Variants in INSRR observed in about 807,000 individuals in gnomAD.
The protein encoded by INSRR is insulin receptor related receptor, also known as insulin receptor-related protein.
Under a neutral mutation model 130.0 loss-of-function variants are expected in INSRR, and 114 were observed. That is an observed-to-expected ratio of 0.88 (90% CI 0.75 to 1.02). The LOEUF is 1.02. Among genes scored for constraint, INSRR ranks in the 50% least tolerant of loss-of-function variants. The pLI is 0.00. For missense variants in INSRR, 1,657 were observed against 1,735.2 expected (o/e 0.95, Z 0.80); for synonymous variants, 674 against 705.2 (o/e 0.96, Z 0.70).
rs547897400 is a variant in INSRR at position 156,841,948 on chromosome 1, C to T, written c.3398-154G>A. On this transcript the variant is annotated intron_variant, in intron 19 of 21. Transcript: ENST00000368195. ...CAATGGACCTCAGAACTCATCCCAT[C>T]CAAACCCCTCTGCCCTTGGACAAGA... 1,877 of 1,548,932 alleles carry T rather than the reference C, an allele frequency of 1.2e-3. 3 individuals carry two copies. The highest frequency in any genetic ancestry group is 1.6e-3 in the Non-Finnish European group (1,744 of 1,124,352).
chr1:156,844,718 G>A lies in INSRR; in HGVS notation c.2563C>T (p.Arg855Cys), dbSNP rs1654927113. 1 of 1,614,132 alleles carries A rather than the reference G, an allele frequency of 6.2e-7. No individual in the cohort carries two copies. Residue 855 changes from arginine (R) to cysteine (C), a missense_variant, in exon 13 of 22, where the codon CGC (arginine) becomes TGC (cysteine). By Grantham distance (180) the Arg-to-Cys change is radical. Coordinates refer to ENST00000368195, the MANE Select transcript of INSRR (RefSeq NM_014215.3). ...CCACGGGCACCTACCTCTCCCAAGC[G>A]GCGGTACTTGATTTCGTACTTGAGG... Reference protein sequence around the residue: ...LILKYEIKYRRLGEEATVLCV... With the variant: ...LILKYEIKYRCLGEEATVLCV...
chr1:156,855,698 A>G (rs1571675302), intron 1 of INSRR, among the ~76,000 whole-genome samples: 1 of 151,982 alleles, frequency 6.6e-6, no homozygotes, highest in East Asian at 1.9e-4. Flanking sequence ...GGTGGTGCAC[A>G]CCTATAGTCT....
chr1:156,842,993 C>T lies in INSRR; in HGVS notation c.3126+11G>A, dbSNP rs1027636709. ...ATTATGACCCTGACAATGCCCTTGG[C>T]TCTCCCTTACCACATGGTGACACTT... On this transcript the variant is annotated intron_variant, in intron 17 of 21. Transcript: ENST00000368195. The T allele has an allele frequency of 7.5e-6, 12 of 1,601,298 alleles. No individual in the cohort carries two copies. Among genetic ancestry groups the T allele is most frequent in the Non-Finnish European group, 8.6e-6 (10 of 1,168,972 alleles).
At chr1:156,847,433 T>C (rs1002056072) in intron 7 of INSRR, among the ~76,000 whole-genome samples, 1 of 152,140 alleles carries the variant, frequency 6.6e-6, no homozygotes, top group African/African-American at 2.4e-5. Context: ...CTGGGGGAGA[T>C]GACAGTGGGC....
intron 1 of INSRR, among the ~76,000 whole-genome samples, chr1:156,857,672 C>G (rs1023213967): frequency 2.6e-5 from 4 of 152,180 alleles, no homozygotes; most frequent in African/African-American, 4.8e-5. Context: ...CATCACTCTC[C>G]CATCTCCATG....
At chr1:156,852,868 G>A (rs1450368272) in intron 2 of INSRR, among the ~76,000 whole-genome samples, 1 of 152,172 alleles carries the variant, frequency 6.6e-6, no homozygotes, top group Non-Finnish European at 1.5e-5. Context: ...GGGTGCAGCC[G>A]ATACAGCAGG....
In INSRR at chr1:156,843,065, C is replaced by G. The variant is rs771531496; in HGVS notation, c.3065G>C (p.Arg1022Pro). The change falls in exon 17 of 22, where the codon CGG becomes CCG. Residue 1022 changes from arginine to proline, a missense_variant. Transcript: ENST00000368195. Reference protein sequence around the residue: ...LKTVNELASPRECIEFLKEAS... With the variant: ...LKTVNELASPPECIEFLKEAS... ...TTCCTTGAGGAACTCAATGCATTCC[C>G]GTGGGCTGGCCAGCTCATTCACCGT... 1 of 1,614,160 alleles carries G rather than the reference C, an allele frequency of 6.2e-7. No homozygotes were observed. The highest frequency in any genetic ancestry group is 1.7e-5 in the Admixed American group (1 of 60,024).
At chr1:156,856,489 A>T (rs1203033828) in intron 1 of INSRR, among the ~76,000 whole-genome samples, 1 of 151,796 alleles carries the variant, frequency 6.6e-6, no homozygotes, top group African/African-American at 2.4e-5. Context: ...TAGATAAACC[A>T]TTCCTTACTA....
Position 156,858,557 on chromosome 1 carries a change from A to T in INSRR, c.65T>A (p.Phe22Tyr). ...CTCACCCTCTACTGTATCCAGGCCA[A>T]ATCCCAAGGAGAGGAAGATCACAGG... ...CLPVIFLSLG[F>Y]GLDTVEVCPS... is the part of the protein sequence containing the mutation. The change falls in exon 1 of 22, where the codon TTT becomes TAT. Residue 22 changes from phenylalanine to tyrosine, a missense_variant. Coordinates refer to ENST00000368195, the MANE Select transcript of INSRR (RefSeq NM_014215.3). The T allele has an allele frequency of 6.2e-7, 1 of 1,613,982 alleles. No homozygotes were observed. The highest frequency in any genetic ancestry group is 8.5e-7 in the Non-Finnish European group (1 of 1,179,962).
intron 8 of INSRR, 114 bp downstream of exon 8, chr1:156,846,405 A>G (rs1655009181): frequency 3.4e-6 from 3 of 891,322 alleles, no homozygotes; most frequent in African/African-American, 3.4e-5. Context: ...CTGGCCTTCC[A>G]GCCTCTGTGG....
rs774718865 is a variant in INSRR, at chr1:156,845,254, C to A, written c.2259G>T (p.Leu753=). Residue 753 remains leucine (L), a synonymous_variant, in exon 12 of 22, where the codon CTG becomes CTT. Transcript: ENST00000368195. ...RHRRAAGPLR[L]GGNSSDFEIQ... ...TCTCGAAATCCGAGCTGTTGCCCCC[C>A]AGCCGGAGGGGCCCAGCTGCCCGGC... is the stretch of plus-strand genomic sequence containing the variant. 8.1e-6 allele frequency: 13 copies of A among 1,611,480 alleles called. No individual in the cohort carries two copies. The highest frequency in any genetic ancestry group is 5.3e-5 in the African/African-American group (4 of 74,914).
At chr1:156,841,338 T>C in intron 21 of INSRR, 56 bp downstream of exon 21, 1 of 1,031,794 alleles carries the variant, frequency 9.7e-7, no homozygotes, top group Non-Finnish European at 1.3e-6. Flanking sequence ...TGGGGCCGGG[T>C]GGGGGAGGGT....
In INSRR at chr1:156,853,808, G is replaced by A; in HGVS notation, c.581C>T (p.Thr194Ile). Residue 194 changes from threonine (T) to isoleucine (I), a missense_variant, in exon 2 of 22, where the codon ACC becomes ATC. Physicochemically the swap from Thr to Ile is moderately conservative, Grantham distance 89 (BLOSUM62 -1). Coordinates refer to ENST00000368195, the MANE Select transcript of INSRR (RefSeq NM_014215.3). Reference protein sequence around the residue: ...LGAAGEPCAKTTFSGHTDYRC... With the variant: ...LGAAGEPCAKITFSGHTDYRC... The stretch of plus-strand genomic sequence containing the variant: ...GTAGTCAGTGTGCCCGCTGAAGGTG[G>A]TCTTGGCACAGGGCTCACCAGCAGC... The A allele has an allele frequency of 1.2e-6, 2 of 1,612,746 alleles. No individual in the cohort carries two copies. Among genetic ancestry groups the A allele is most frequent in the East Asian group, 2.2e-5 (1 of 44,834 alleles).
rs147703846 is a variant in INSRR at position 156,842,117 on chromosome 1, A to T, written c.3392T>A (p.Ile1131Asn). The T allele has an allele frequency of 1.6e-4, 261 of 1,613,420 alleles. No individual in the cohort carries two copies. Among genetic ancestry groups the T allele is most frequent in the Non-Finnish European group, 1.8e-4 (208 of 1,179,916 alleles). ...CMVSQDFTVK[I>N]GDFGMTRDVY... is the part of the protein sequence containing the mutation. ...CTGCCTGGCACCCTCTGTACCCCCG[A>T]TCTTGACGGTGAAGTCCTGGGACAC... Residue 1131 changes from isoleucine (I) to asparagine (N), a missense_variant, in exon 19 of 22, where the codon ATC becomes AAC. By Grantham distance (149) the Ile-to-Asn change is moderately radical. Coordinates refer to ENST00000368195, the MANE Select transcript of INSRR (RefSeq NM_014215.3).
In INSRR at chr1:156,840,966, C is replaced by A. The variant is rs1367571667; in HGVS notation, c.3801G>T (p.Gly1267=). The change falls in exon 22 of 22, where the codon GGG becomes GGT. Residue 1267 remains glycine, a synonymous_variant. Coordinates refer to ENST00000368195, the MANE Select transcript of INSRR (RefSeq NM_014215.3). ...LSFYYSPECR[G]ARGSLPTTDA... ...CGGTGGTAGGCAGGGAGCCCCGGGCCCCCCGGCATTCCGGGCTGTAGTAGA... is the reference window on the plus strand; with the variant it reads ...CGGTGGTAGGCAGGGAGCCCCGGGCACCCCGGCATTCCGGGCTGTAGTAGA... The A allele has an allele frequency of 1.2e-6, 2 of 1,613,684 alleles. No homozygotes were observed. The highest frequency in any genetic ancestry group is 2.7e-5 in the African/African-American group (2 of 74,906).
chr1:156,851,987 GCACAGCGCTCAGCTGTGA>G lies in INSRR; in HGVS notation c.824_841del (p.Val275_Cys280del), dbSNP rs1655230420. 6.2e-7 allele frequency: 1 copy of G among 1,611,054 alleles called. No individual in the cohort carries two copies. The highest frequency in any genetic ancestry group is 8.5e-7 in the Non-Finnish European group (1 of 1,177,942). On this transcript the variant is annotated inframe_deletion, in exon 3 of 22. Coordinates refer to ENST00000368195, the MANE Select transcript of INSRR (RefSeq NM_014215.3). ...ACGGCCGGGCACAGAGTGCAGGCTG[GCACAGCGCTCAGCTGTGA>G]CACAGCGCCAGGACTCATACTGGTA...
At chr1:156,848,752 G>C (rs904430640) in intron 7 of INSRR, among the ~76,000 whole-genome samples, 169 bp downstream of exon 7, 4 of 152,206 alleles carry the variant, frequency 2.6e-5, no homozygotes, top group African/African-American at 9.7e-5. Context: ...GCATGAAGAA[G>C]GTGAGGGAAG....
chr1:156,851,920 C>T lies in INSRR; in HGVS notation c.909G>A (p.Gln303=), dbSNP rs372331836. 6 of 1,595,578 alleles carry T rather than the reference C, an allele frequency of 3.8e-6. No homozygotes were observed. The highest frequency in any genetic ancestry group is 5.1e-6 in the Non-Finnish European group (6 of 1,167,044). The part of the protein sequence containing the change: ...FGIHQGSCLA[Q]CPSGFTRNSS... ...TATTACGGGTGAAGCCAGAAGGGCA[C>T]TGGGCCAGGCAACTGCCCTGGTGTA... The change falls in exon 3 of 22, where the codon CAG becomes CAA. Residue 303 remains glutamine, a synonymous_variant. Transcript: ENST00000368195.
intron 17 of INSRR, 49 bp downstream of exon 17, chr1:156,842,955 G>A (rs1654852390): frequency 7.1e-7 from 1 of 1,410,982 alleles, no homozygotes. Context: ...CTTACCACAT[G>A]ACCTTTACAC....
Sources: gnomAD v4.1 joint callset for allele counts (sites outside exome capture counted in the v4.1 genomes callset) on GRCh38, gnomAD v4.1.1 for gene constraint, MANE v1.5 for transcripts, NCBI Gene and HGNC (gene_info 2026-07-23, HGNC 2026-07-21) for gene names.